Variants in MTSS2 observed in about 807,000 individuals in gnomAD.
MTSS2 encodes the protein protein MTSS 2.
A neutral mutation model predicts 67.1 loss-of-function variants in MTSS2; 27 were observed. That is an observed-to-expected ratio of 0.40 (90% confidence interval 0.30 to 0.55). The LOEUF is 0.55. Ranked by LOEUF, MTSS2 falls within the 20% of genes least tolerant of loss-of-function variation. MTSS2 has a pLI of 0.43. For synonymous variants in MTSS2, 624 were observed against 468.6 expected (o/e 1.33, Z -4.28); for missense variants, 1,171 against 1,067.8 (o/e 1.10, Z -1.35).
rs2052455209 is a variant in MTSS2 at position 70,661,290 on chromosome 16, G to A, written c.*2387C>T. On this transcript the variant is annotated 3_prime_UTR_variant, in exon 15 of 15. Transcript: ENST00000338779. ...CAGTGACTATATTTAAATCGGGGAGGATGGTGTGGAGGGGGCGGGGAGGAG... is the reference window on the plus strand; with the variant it reads ...CAGTGACTATATTTAAATCGGGGAGAATGGTGTGGAGGGGGCGGGGAGGAG... 2 of 454,388 alleles carry A rather than the reference G, an allele frequency of 4.4e-6. No individual in the cohort carries two copies. Among genetic ancestry groups the A allele is most frequent in the African/African-American group, 4.0e-5 (2 of 49,472 alleles). The allele number at this position is 454,388 out of a possible 1,614,324, so 28.1% of individuals were successfully genotyped here. A position where few individuals can be genotyped will look rare whatever the true frequency, so the allele number is the denominator to read the frequency against.
intron 6 of MTSS2, 37 bp downstream of exon 6, chr16:70,679,572 GGTGGGGCTGTGGAGCGGGGCC>G (rs1279770701): frequency 5.3e-5 from 80 of 1,506,156 alleles, no homozygotes; most frequent in African/African-American, 3.6e-4. Flanking sequence ...CCCACGGGGC[GGTGGGGCTGTGGAGCGGGGCC>G]GTGGGGCTGT....
chr16:70,685,191 C>T (rs1267634153), intron 1 of MTSS2, among the ~76,000 whole-genome samples: 2 of 150,908 alleles, frequency 1.3e-5, no homozygotes, highest in Admixed American at 1.3e-4. Flanking sequence ...CCTGGAGCTT[C>T]CTGGGGCTGT....
At chr16:70,681,444 T>G (rs539136938) in intron 1 of MTSS2, among the ~76,000 whole-genome samples, 1 of 152,352 alleles carries the variant, frequency 6.6e-6, no homozygotes, top group East Asian at 1.9e-4. Flanking sequence ...GGCACTGACC[T>G]GCCCACCAGG....
chr16:70,666,125 G>T (rs945265199), intron 11 of MTSS2, among the ~76,000 whole-genome samples: 1 of 152,182 alleles, frequency 6.6e-6, no homozygotes, highest in Non-Finnish European at 1.5e-5. Context: ...GGCCAGGCCC[G>T]TGGCTGCTGA....
chr16:70,680,136 G>C, intron 3 of MTSS2, 81 bp from the exon 4 acceptor site: 2 of 1,032,334 alleles, frequency 1.9e-6, no homozygotes, highest in Non-Finnish European at 2.5e-6. Flanking sequence ...GGGCGCCCCG[G>C]CCGCGCAGGC....
chr16:70,668,861 A>G (rs547652793), intron 11 of MTSS2, among the ~76,000 whole-genome samples: 1 of 152,292 alleles, frequency 6.6e-6, no homozygotes, highest in African/African-American at 2.4e-5. Flanking sequence ...CAGAACTGTG[A>G]GCGCTACATT....
rs568672711 is a variant in MTSS2, at chr16:70,663,941, G to T, written c.1980C>A (p.Ala660=). 5 of 1,557,702 alleles carry T rather than the reference G, an allele frequency of 3.2e-6. No individual in the cohort carries two copies. In the East Asian group the frequency reaches 1.2e-4, roughly 37 times the overall value. The change falls in exon 15 of 15, where the codon GCC becomes GCA. Residue 660 remains alanine, a synonymous_variant. Coordinates refer to ENST00000338779, the MANE Select transcript of MTSS2 (RefSeq NM_138383.3). ...PEAAGYPGAG[A]EDEQQQLAAN... ...CCGCCAGCTGCTGCTGCTCGTCCTC[G>T]GCCCCTGCCCCGGGGTACCCGGCTG...
chr16:70,680,915 G>GGC, intron 2 of MTSS2, 48 bp from the exon 3 acceptor site: 2 of 1,248,456 alleles, frequency 1.6e-6, no homozygotes, highest in Non-Finnish European at 2.3e-6. Context: ...GGGCGGGGGG[G>GGC]GGGCCTCTGC....
chr16:70,678,550 G>A (rs568376461), intron 7 of MTSS2, 141 bp from the exon 8 acceptor site: 25 of 936,710 alleles, frequency 2.7e-5, no homozygotes, highest in Admixed American at 1.7e-4. Context: ...GCGGAGGGCA[G>A]TGAGGACTCT....
rs1236187793 is a variant in MTSS2 at position 70,680,961 on chromosome 16, C to T, written c.131+3G>A. Reference sequence around the variant, plus strand: ...CCTGCTGGGGTGCCCTGGGCCACCTCACCTCAGCTGGGAATGCAGCTTCGT... The same window carrying T: ...CCTGCTGGGGTGCCCTGGGCCACCTTACCTCAGCTGGGAATGCAGCTTCGT... On this transcript the variant is annotated splice_donor_region_variant and intron_variant, in intron 2 of 14. Coordinates refer to ENST00000338779, the MANE Select transcript of MTSS2 (RefSeq NM_138383.3). The T allele has an allele frequency of 8.1e-6, 13 of 1,602,878 alleles. No homozygotes were observed. Among genetic ancestry groups the T allele is most frequent in the Middle Eastern group, 1.7e-4 (1 of 6,054 alleles).
chr16:70,676,114 T>TG (rs1426500371), intron 10 of MTSS2, among the ~76,000 whole-genome samples: 2 of 152,246 alleles, frequency 1.3e-5, no homozygotes, highest in East Asian at 3.8e-4. Flanking sequence ...CCAGTGATTC[T>TG]GGGGAGAGGG....
rs764968631 is a variant in MTSS2 at position 70,664,411 on chromosome 16, C to G, written c.1510G>C (p.Asp504His). 2.6e-6 allele frequency: 4 copies of G among 1,551,998 alleles called. No individual in the cohort carries two copies. In the South Asian group the frequency reaches 5.1e-5, roughly 20 times the overall value. ...TCAAACTCGGGCGGGCCCTCGCTGT[C>G]CGCATCCCCATTCACGGAGTAGCAG... Reference protein sequence around the residue: ...YDCYSVNGDADSEGPPEFDKS... With the variant: ...YDCYSVNGDAHSEGPPEFDKS... Residue 504 changes from aspartate to histidine, a missense_variant, in exon 15 of 15, where the codon GAC becomes CAC. This residue lies in a region of MTSS2 where 924 missense variants were observed against 756.0 expected (regional missense o/e 1.22). Transcript: ENST00000338779.
intron 11 of MTSS2, among the ~76,000 whole-genome samples, chr16:70,668,025 G>A: frequency 6.8e-6 from 1 of 146,794 alleles, no homozygotes; most frequent in East Asian, 2.0e-4. Flanking sequence ...GATCCTAAAA[G>A]TTACATGGAA....
At chr16:70,680,918 G>GGGGGGGGGGGGGGGGGGGGGGCCCCCC in intron 2 of MTSS2, 46 bp downstream of exon 2, 2 of 1,097,896 alleles carry the variant, frequency 1.8e-6, no homozygotes, top group Non-Finnish European at 2.7e-6. Context: ...CGGGGGGGGG[G>GGGGGGGGGGGGGGGGGGGGGGCCCCCC]CCTCTGCCTG....
At chr16:70,671,597 C>T (rs2052938903) in intron 11 of MTSS2, among the ~76,000 whole-genome samples, 2 of 151,978 alleles carry the variant, frequency 1.3e-5, no homozygotes, top group African/African-American at 4.8e-5. Context: ...AGAAAGTCAC[C>T]TATTTTAACA....
intron 8 of MTSS2, 100 bp downstream of exon 8, chr16:70,678,152 C>A: frequency 6.9e-7 from 1 of 1,443,458 alleles, no homozygotes; most frequent in Non-Finnish European, 9.3e-7. Context: ...CCTTGATGCC[C>A]CCAGCCAGGG....
chr16:70,662,831 A>T lies in MTSS2; in HGVS notation c.*846T>A, dbSNP rs1362538393. On this transcript the variant is annotated 3_prime_UTR_variant, in exon 15 of 15. Transcript: ENST00000338779. ...AAAGGTGGCTAAAACTGTGACCCCC[A>T]AAGTTAAAAGATTGATGTACCCAAT... The T allele has an allele frequency of 6.6e-6, 1 of 152,398 alleles. No homozygotes were observed. The highest frequency in any genetic ancestry group is 1.5e-5 in the Non-Finnish European group (1 of 68,128). 9.4% of individuals were successfully genotyped at this position (152,398 alleles called of 1,614,324 possible).
chr16:70,680,871 G>C lies in MTSS2; in HGVS notation c.132-4C>G. ...CACAGCAGCCAGCACGGTGGTCCTG[G>C]GGAGAGGGACAACGGCATGGATGGT... On this transcript the variant is annotated splice_region_variant and splice_polypyrimidine_tract_variant and intron_variant, in intron 2 of 14. Transcript: ENST00000338779. The C allele has an allele frequency of 6.4e-7, 1 of 1,555,542 alleles. No homozygotes were observed. Among genetic ancestry groups the C allele is most frequent in the Non-Finnish European group, 8.7e-7 (1 of 1,149,062 alleles).
rs748561047 is a variant in MTSS2, at chr16:70,685,811, G to A, written c.-20C>T. On this transcript the variant is annotated 5_prime_UTR_variant, in exon 1 of 15. Transcript: ENST00000338779. ...CTCCATGCTCTGGCTGGGCCGGGCC[G>A]CGGCGGCGGCTAGGCGCACGGAGCG... 2 of 1,276,414 alleles carry A rather than the reference G, an allele frequency of 1.6e-6. No homozygotes were observed. Among genetic ancestry groups the A allele is most frequent in the East Asian group, 4.6e-5 (1 of 21,540 alleles). 79.1% of individuals were successfully genotyped at this position (1,276,414 alleles called of 1,614,324 possible).
Sources: allele counts gnomAD v4.1 joint callset (sites outside exome capture counted in the v4.1 genomes callset), GRCh38; gene constraint gnomAD v4.1.1; regional missense constraint gnomAD v4.1.1; transcripts MANE v1.5; gene names NCBI Gene and HGNC (gene_info 2026-07-23, HGNC 2026-07-21).